Variants in NRG1 observed in about 807,000 individuals in gnomAD.
NRG1 encodes neuregulin 1.
In NRG1, 18 loss-of-function variants were observed where a neutral mutation model predicts 63.8. The ratio of observed to expected loss-of-function variants is 0.28; its 90% CI spans 0.19 to 0.42. NRG1 has a LOEUF of 0.42. Ranked by LOEUF, NRG1 falls within the 10% of genes least tolerant of loss-of-function variation. The pLI, the probability that NRG1 is intolerant of heterozygous loss-of-function variation, is 1.00. For synonymous variants in NRG1, 302 were observed against 301.3 expected (o/e 1.00, Z -0.02); for missense variants, 762 against 814.7 (o/e 0.94, Z 0.79).
Position 32,369,368 on chromosome 8 carries a change from C to T in NRG1, c.38-226460C>T, listed in dbSNP as rs376384380. Among the ~76,000 whole-genome samples the T allele has an allele frequency of 7.2e-4, 110 of 152,354 alleles. 1 individual carries two copies. In the South Asian group the frequency reaches 0.02, roughly 28 times the overall value. ...CTCATCTTTTTTGCCATGTTTGCCC[C>T]ATGGCATTTCTCTCAGCATCTTCTT... On this transcript the variant is annotated intron_variant, in intron 1 of 10. Coordinates refer to the NRG1 transcript ENST00000519301.
chr8:32,167,942 GC>G (rs1839574311), intron 1 of NRG1, among the ~76,000 whole-genome samples: 1 of 152,158 alleles, frequency 6.6e-6, no homozygotes, highest in Admixed American at 6.5e-5. Flanking sequence ...TGAGCAGCTT[GC>G]CCCTCCCTCT....
chr8:32,706,552 G>GGTGT (rs10604171), intron 5 of NRG1, among the ~76,000 whole-genome samples: 37 of 150,814 alleles, frequency 2.5e-4, no homozygotes, highest in Admixed American at 4.6e-4. Flanking sequence ...GGTATATATA[G>GGTGT]GTGTGTGTGT....
chr8:31,830,126 A>G (rs1375722873), intron 1 of NRG1, among the ~76,000 whole-genome samples: 1 of 152,218 alleles, frequency 6.6e-6, no homozygotes, highest in African/African-American at 2.4e-5. Context: ...GAGTATTATC[A>G]TATCAATTGT....
At chr8:31,982,427 G>A (rs1393215686) in intron 1 of NRG1, among the ~76,000 whole-genome samples, 1 of 152,044 alleles carries the variant, frequency 6.6e-6, no homozygotes, top group East Asian at 1.9e-4. Flanking sequence ...ATTAGGTGAT[G>A]GAGAGAAAGG....
intron 1 of NRG1, among the ~76,000 whole-genome samples, chr8:32,050,976 C>T (rs1821886186): frequency 6.6e-6 from 1 of 151,772 alleles, no homozygotes; most frequent in South Asian, 2.1e-4. Context: ...ATGAAAAAGC[C>T]AAAGGGGAGA....
chr8:31,822,525 T>G (rs1460964163), intron 1 of NRG1, among the ~76,000 whole-genome samples: 1 of 152,168 alleles, frequency 6.6e-6, no homozygotes, highest in African/African-American at 2.4e-5. Context: ...TATTTGTGAA[T>G]AGTAATAGCA....
chr8:32,365,747 G>A (rs577421631), intron 1 of NRG1, among the ~76,000 whole-genome samples: 28 of 152,318 alleles, frequency 1.8e-4, no homozygotes, highest in African/African-American at 6.0e-4. Context: ...ATCCGGTAAA[G>A]CTGGTGTAGA....
chr8:31,718,350 G>A (rs1812567312), intron 1 of NRG1, among the ~76,000 whole-genome samples: 1 of 152,152 alleles, frequency 6.6e-6, no homozygotes, highest in Non-Finnish European at 1.5e-5. Flanking sequence ...TATGTGGAAT[G>A]TGGATTCGTT....
At chr8:32,448,892 A>C (rs1261990127) in intron 1 of NRG1, among the ~76,000 whole-genome samples, 1 of 152,046 alleles carries the variant, frequency 6.6e-6, no homozygotes, top group African/African-American at 2.4e-5. Context: ...AAATCCTCTG[A>C]AGTGTATGTG....
intron 1 of NRG1, among the ~76,000 whole-genome samples, chr8:31,999,777 T>TA (rs978319350): frequency 1.3e-5 from 2 of 151,800 alleles, no homozygotes; most frequent in Non-Finnish European, 1.5e-5. Context: ...GTAAAAACTG[T>TA]AAAAAAGATA....
chr8:31,952,029 C>G (rs371771), intron 1 of NRG1, among the ~76,000 whole-genome samples: 128,339 of 152,138 alleles, frequency 0.84, 54,938 homozygotes, highest in Non-Finnish European at 0.91. Context: ...TTTCCTACAG[C>G]TTTTGTTTGA....
At chr8:31,948,833 G>C (rs77772286) in intron 1 of NRG1, among the ~76,000 whole-genome samples, 1 of 152,184 alleles carries the variant, frequency 6.6e-6, no homozygotes, top group Admixed American at 6.5e-5. Context: ...TGTGCCATGG[G>C]TGGCCAACCT....
chr8:31,940,816 C>T (rs746803483), intron 1 of NRG1, among the ~76,000 whole-genome samples: 3 of 152,006 alleles, frequency 2.0e-5, no homozygotes, highest in Admixed American at 6.6e-5. Flanking sequence ...GGATAAATTC[C>T]TGGAAATATA....
At chr8:32,344,324 C>CTCTTTCTTTCTTTCTT (rs765116407) in intron 1 of NRG1, among the ~76,000 whole-genome samples, 995 of 64,104 alleles carry the variant, frequency 0.016, 42 homozygotes, top group Middle Eastern at 0.034. Context: ...TTCCTTCTTT[C>CTCTTTCTTTCTTTCTT]TCTTTCTTTC....
intron 1 of NRG1, among the ~76,000 whole-genome samples, chr8:32,460,356 C>T (rs998389596): frequency 1.3e-5 from 2 of 152,200 alleles, no homozygotes; most frequent in African/African-American, 4.8e-5. Context: ...GGTGCTAGGT[C>T]ATCTTCAGTT....
chr8:32,047,438 A>G (rs75111946), intron 1 of NRG1, among the ~76,000 whole-genome samples: 2,151 of 152,176 alleles, frequency 0.014, 22 homozygotes, highest in Non-Finnish European at 0.024. Flanking sequence ...AACCATTCAC[A>G]TAAATGGTAA....
chr8:32,073,783 G>A (rs1037479809), intron 1 of NRG1, among the ~76,000 whole-genome samples: 3 of 152,134 alleles, frequency 2.0e-5, no homozygotes, highest in African/African-American at 7.2e-5. Context: ...AATGCAGTTA[G>A]GTCATGTAAA....
chr8:32,487,487 T>C (rs2129494208), intron 1 of NRG1, among the ~76,000 whole-genome samples: 1 of 152,268 alleles, frequency 6.6e-6, no homozygotes, highest in Non-Finnish European at 1.5e-5. Context: ...AATAGCCTAA[T>C]TTTCCTCCCA....
intron 5 of NRG1, among the ~76,000 whole-genome samples, chr8:32,669,728 T>C (rs1333469137): frequency 6.6e-6 from 1 of 152,212 alleles, no homozygotes; most frequent in Non-Finnish European, 1.5e-5. Flanking sequence ...TCTTATTTAG[T>C]TGGGGCTTTC....
Sources: gnomAD v4.1 joint callset for allele counts (sites outside exome capture counted in the v4.1 genomes callset) on GRCh38, gnomAD v4.1.1 for gene constraint, MANE v1.5 for transcripts, NCBI Gene and HGNC (gene_info 2026-07-23, HGNC 2026-07-21) for gene names.